PTCHD4: variants seen among roughly 807,000 people sequenced by gnomAD.
PTCHD4 encodes the protein patched domain containing 4.
A neutral mutation model predicts 58.1 loss-of-function variants in PTCHD4; 33 were observed. The ratio of observed to expected loss-of-function variants is 0.57; its 90% CI spans 0.43 to 0.76. The LOEUF (loss-of-function observed/expected upper bound fraction) is 0.76. Ranked by LOEUF, PTCHD4 falls within the 30% of genes least tolerant of loss-of-function variation. The pLI is 0.00. For missense variants in PTCHD4, 1,058 were observed against 1,027.1 expected, an observed-to-expected ratio of 1.03 and a Z score of -0.41; for synonymous variants, 478 against 409.6, an observed-to-expected ratio of 1.17 and a Z score of -2.02.
chr6:47,936,135 T>C (rs80024631), intron 4 of PTCHD4, among the ~76,000 whole-genome samples: 2,757 of 152,160 alleles, frequency 0.018, 71 homozygotes, highest in African/African-American at 0.059. Context: ...GAAAACACTA[T>C]AGGAAACAAG....
At chr6:48,046,382 C>A (rs1444301706) in intron 3 of PTCHD4, among the ~76,000 whole-genome samples, 1 of 151,766 alleles carries the variant, frequency 6.6e-6, no homozygotes. Flanking sequence ...TGAATTCTCC[C>A]AGTCTCCTCT....
At chr6:47,912,523 A>G (rs1765102768) in intron 4 of PTCHD4, among the ~76,000 whole-genome samples, 1 of 152,150 alleles carries the variant, frequency 6.6e-6, no homozygotes, top group Non-Finnish European at 1.5e-5. Context: ...TCTCCTCTCT[A>G]CATGTCCATT....
intron 3 of PTCHD4, among the ~76,000 whole-genome samples, chr6:48,066,245 A>C (rs756322962): frequency 2.6e-5 from 4 of 152,158 alleles, no homozygotes; most frequent in Admixed American, 6.5e-5. Flanking sequence ...GAGCACAACA[A>C]ATGATTATTA....
chr6:47,883,392 G>A (rs947130843), intron 4 of PTCHD4, among the ~76,000 whole-genome samples: 1 of 152,108 alleles, frequency 6.6e-6, no homozygotes, highest in Non-Finnish European at 1.5e-5. Context: ...AAGAGAATAT[G>A]TCAGAGTGAG....
chr6:47,878,694 C>T lies in PTCHD4; in HGVS notation c.2141G>A (p.Cys714Tyr). Residue 714 changes from cysteine (C) to tyrosine (Y), a missense_variant, in exon 5 of 5, where the codon TGC becomes TAC. Physicochemically the swap from Cys to Tyr is radical, Grantham distance 194 (BLOSUM62 -2). Coordinates refer to ENST00000339488, the MANE Select transcript of PTCHD4 (RefSeq NM_001384253.1). ...GGCGAAATTCAAGGTGTAGATAAGGCACAAGATAGAAATGCAATCCATGTC... is the reference window on the plus strand; with the variant it reads ...GGCGAAATTCAAGGTGTAGATAAGGTACAAGATAGAAATGCAATCCATGTC... Reference protein sequence around the residue: ...NVDMDCISILCLIYTLNFAID... With the variant: ...NVDMDCISILYLIYTLNFAID... 6.2e-7 allele frequency: 1 copy of T among 1,613,092 alleles called. No individual in the cohort carries two copies.
intron 4 of PTCHD4, among the ~76,000 whole-genome samples, chr6:47,940,918 C>A (rs1276536991): frequency 2.0e-5 from 3 of 152,136 alleles, no homozygotes; most frequent in Non-Finnish European, 4.4e-5. Flanking sequence ...CCATAGCACC[C>A]ATTCCAATGC....
intron 4 of PTCHD4, among the ~76,000 whole-genome samples, chr6:47,994,410 C>T (rs1463036327): frequency 1.3e-5 from 2 of 152,126 alleles, no homozygotes; most frequent in African/African-American, 4.8e-5. Context: ...TACTAGTTGC[C>T]TGGGACACAA....
rs573037259 is a variant in PTCHD4, at chr6:48,009,332, T to A, written c.418-218A>T. On this transcript the variant is annotated intron_variant, in intron 3 of 4. Coordinates refer to ENST00000339488, the MANE Select transcript of PTCHD4 (RefSeq NM_001384253.1). ...AGGGCAGAAAATATGCAAAAAGTAT[T>A]ACAAAGCTACAGAAGAATTGCCACA... is the stretch of plus-strand genomic sequence containing the variant. Among the ~76,000 whole-genome samples, 46 of 152,274 alleles carry A rather than the reference T, an allele frequency of 3.0e-4. No individual in the cohort carries two copies. The South Asian group carries it at 8.5e-3, about 28-fold the overall frequency.
chr6:48,092,112 G>A (rs1046275011), intron 1 of PTCHD4, among the ~76,000 whole-genome samples: 1 of 151,950 alleles, frequency 6.6e-6, no homozygotes, highest in African/African-American at 2.4e-5. Flanking sequence ...AATTTGTTGG[G>A]GTTCATCTAC....
At position 47,864,148 on chromosome 6, in the gene PTCHD4, A is replaced by T. The variant is rs1763496913; in HGVS notation, c.*14155T>A. 6.6e-6 allele frequency among the ~76,000 whole-genome samples: 1 copy of T among 151,968 alleles called. No individual in the cohort carries two copies. The highest frequency in any genetic ancestry group is 2.4e-5 in the African/African-American group (1 of 41,424). On this transcript the variant is annotated 3_prime_UTR_variant, in exon 5 of 5. Transcript: ENST00000339488. ...CATTAGCATCACCTGAAAACTTGTTAGAAATGTAAATTTTCAGGCCTCACT... is the reference window on the plus strand; with the variant it reads ...CATTAGCATCACCTGAAAACTTGTTTGAAATGTAAATTTTCAGGCCTCACT...
intron 4 of PTCHD4, among the ~76,000 whole-genome samples, chr6:47,982,493 T>TTG (rs1554164864): frequency 2.0e-5 from 3 of 149,372 alleles, no homozygotes; most frequent in African/African-American, 4.9e-5. Flanking sequence ...TTTTTTTTTT[T>TTG]TTTTTTGTTT....
At chr6:47,914,740 TCTATTATCTATCTATCTATC>T (rs1765183747) in intron 4 of PTCHD4, among the ~76,000 whole-genome samples, 40 of 146,174 alleles carry the variant, frequency 2.7e-4, no homozygotes, top group South Asian at 2.4e-3. Flanking sequence ...CTATTATCTA[TCTATTATCTATCTATCTATC>T]TATCTATCTA....
At chr6:48,020,163 TG>T (rs1444382055) in intron 3 of PTCHD4, among the ~76,000 whole-genome samples, 1 of 152,118 alleles carries the variant, frequency 6.6e-6, no homozygotes, top group African/African-American at 2.4e-5. Flanking sequence ...AGGTATGCCT[TG>T]GGGATGGCTA....
chr6:48,041,418 A>T (rs1763844137), intron 3 of PTCHD4, among the ~76,000 whole-genome samples: 1 of 152,206 alleles, frequency 6.6e-6, no homozygotes, highest in Non-Finnish European at 1.5e-5. Context: ...CCTAAGGAAC[A>T]TGTTGTCCAT....
intron 4 of PTCHD4, among the ~76,000 whole-genome samples, chr6:47,955,858 C>T (rs1766838105): frequency 6.6e-6 from 1 of 152,164 alleles, no homozygotes; most frequent in African/African-American, 2.4e-5. Context: ...GATTTGAGGG[C>T]AGGAGGCCTG....
chr6:48,058,685 C>G (rs1395171872), intron 3 of PTCHD4, among the ~76,000 whole-genome samples: 1 of 152,172 alleles, frequency 6.6e-6, no homozygotes, highest in Non-Finnish European at 1.5e-5. Context: ...GTGGTCAAGG[C>G]TAGCTCTATT....
chr6:48,039,615 A>C (rs1345021665), intron 3 of PTCHD4, among the ~76,000 whole-genome samples: 2 of 152,158 alleles, frequency 1.3e-5, no homozygotes, highest in East Asian at 3.9e-4. Flanking sequence ...GATGTATTAC[A>C]CAATTAAAAT....
At position 47,860,373 on chromosome 6, in the gene PTCHD4, A is replaced by T. The variant is rs2114056185; in HGVS notation, c.*17930T>A. On this transcript the variant is annotated 3_prime_UTR_variant, in exon 5 of 5. Transcript: ENST00000339488. ...AGACAAAGAAATATATGACTCTAAA[A>T]ACAAATTCAGGTATTTTGAGAATAT... Among the ~76,000 whole-genome samples, 1 of 152,192 alleles carries T rather than the reference A, an allele frequency of 6.6e-6. No homozygotes were observed.
At chr6:47,951,413 G>C (rs1766644197) in intron 4 of PTCHD4, among the ~76,000 whole-genome samples, 1 of 152,138 alleles carries the variant, frequency 6.6e-6, no homozygotes, top group Admixed American at 6.5e-5. Context: ...TGAATTGGAG[G>C]ATGTGTGACT....
Sources: gnomAD v4.1 joint callset for allele counts (sites outside exome capture counted in the v4.1 genomes callset) on GRCh38, gnomAD v4.1.1 for gene constraint, MANE v1.5 for transcripts, NCBI Gene and HGNC (gene_info 2026-07-23, HGNC 2026-07-21) for gene names.